CFAP210: variants seen among roughly 807,000 people sequenced by gnomAD.
CFAP210 encodes cilia and flagella associated protein 210.
the CFAP210 span, chr2:169,649,329 T>A: frequency 1.2e-6 from 2 of 1,610,630 alleles, no homozygotes; most frequent in Non-Finnish European, 8.5e-7. Flanking sequence ...GTCTTTCTTC[T>A]TCCTCTTTAT....
At chr2:169,675,621 C>T in the CFAP210 span, among the ~76,000 whole-genome samples, 1 of 152,182 alleles carries the variant, frequency 6.6e-6, no homozygotes, top group African/African-American at 2.4e-5. Context: ...ATGATCCACT[C>T]ACCTCCCAGC....
At chr2:169,675,206 C>A in the CFAP210 span, among the ~76,000 whole-genome samples, 2 of 152,116 alleles carry the variant, frequency 1.3e-5, no homozygotes, top group African/African-American at 4.8e-5. Context: ...TTTAGACCGA[C>A]CTTTTTAGGT....
At chr2:169,680,759 TG>T in the CFAP210 span, among the ~76,000 whole-genome samples, 13 of 152,214 alleles carry the variant, frequency 8.5e-5, no homozygotes, top group Non-Finnish European at 1.3e-4. Context: ...GTGAAGAACA[TG>T]TTCATTATCC....
chr2:169,667,135 CTTT>C, the CFAP210 span, among the ~76,000 whole-genome samples: 51 of 120,314 alleles, frequency 4.2e-4, no homozygotes, highest in Non-Finnish European at 7.7e-4. Flanking sequence ...CACAAATTTT[CTTT>C]TTTCTTTTTT....
At chr2:169,665,976 T>A in the CFAP210 span, among the ~76,000 whole-genome samples, 3 of 152,236 alleles carry the variant, frequency 2.0e-5, no homozygotes, top group South Asian at 6.2e-4. Flanking sequence ...TGATCCTCCC[T>A]GCTTGACCTC....
the CFAP210 span, among the ~76,000 whole-genome samples, chr2:169,660,588 T>TTATA: frequency 1.5e-4 from 21 of 140,732 alleles, no homozygotes; most frequent in Non-Finnish European, 2.4e-4. Context: ...GTTGCTTATT[T>TTATA]TATATATATA....
chr2:169,680,642 G>A, the CFAP210 span, among the ~76,000 whole-genome samples: 1 of 152,202 alleles, frequency 6.6e-6, no homozygotes, highest in Non-Finnish European at 1.5e-5. Flanking sequence ...AAGTAATTGT[G>A]TTGAATGAAA....
chr2:169,685,439 C>T, the CFAP210 span, among the ~76,000 whole-genome samples: 4 of 152,046 alleles, frequency 2.6e-5, no homozygotes, highest in African/African-American at 4.8e-5. Context: ...ATCATTTGTC[C>T]CTTTTTAAAA....
At chr2:169,666,333 T>C in the CFAP210 span, among the ~76,000 whole-genome samples, 1 of 151,226 alleles carries the variant, frequency 6.6e-6, no homozygotes, top group Non-Finnish European at 1.5e-5. Flanking sequence ...CGAATTCTAG[T>C]GAGGGAGACA....
the CFAP210 span, among the ~76,000 whole-genome samples, chr2:169,663,991 C>T: frequency 6.7e-6 from 1 of 148,786 alleles, no homozygotes; most frequent in African/African-American, 2.5e-5. Flanking sequence ...GAGTTTGAGA[C>T]CAGCCTGGCC....
the CFAP210 span, among the ~76,000 whole-genome samples, chr2:169,682,143 C>T: frequency 6.6e-6 from 1 of 152,192 alleles, no homozygotes; most frequent in East Asian, 1.9e-4. Flanking sequence ...CATAACAGAT[C>T]TCCTTGGAAA....
At chr2:169,651,363 C>A in the CFAP210 span, among the ~76,000 whole-genome samples, 1 of 151,788 alleles carries the variant, frequency 6.6e-6, no homozygotes, top group Non-Finnish European at 1.5e-5. Context: ...TGTACTCCAG[C>A]CTGAGTGACA....
At chr2:169,650,754 G>GTGTA in the CFAP210 span, among the ~76,000 whole-genome samples, 1 of 150,852 alleles carries the variant, frequency 6.6e-6, no homozygotes, top group Non-Finnish European at 1.5e-5. Context: ...GTGTGTGTGT[G>GTGTA]TGTGTGTGTG....
At chr2:169,650,712 C>A in the CFAP210 span, among the ~76,000 whole-genome samples, 1 of 146,966 alleles carries the variant, frequency 6.8e-6, no homozygotes, top group Non-Finnish European at 1.5e-5. Flanking sequence ...TTCTAAAATC[C>A]AAAGACAGTA....
the CFAP210 span, chr2:169,674,906 T>C: frequency 3.9e-6 from 6 of 1,527,190 alleles, no homozygotes; most frequent in Non-Finnish European, 4.4e-6. Flanking sequence ...AAAATTGATA[T>C]TGCTTTGCAT....
At chr2:169,664,621 C>T in the CFAP210 span, among the ~76,000 whole-genome samples, 3 of 152,132 alleles carry the variant, frequency 2.0e-5, no homozygotes, top group Non-Finnish European at 4.4e-5. Context: ...AATTTGAGAT[C>T]CTCTAGTTCA....
chr2:169,681,735 C>A, the CFAP210 span, among the ~76,000 whole-genome samples: 1 of 152,190 alleles, frequency 6.6e-6, no homozygotes, highest in African/African-American at 2.4e-5. Context: ...TTTAAGAACA[C>A]TTGTATCTCC....
the CFAP210 span, among the ~76,000 whole-genome samples, chr2:169,686,188 G>T: frequency 6.6e-6 from 1 of 152,148 alleles, no homozygotes; most frequent in Non-Finnish European, 1.5e-5. Context: ...TCCAGCCAAT[G>T]AGTGTAGCTT....
At chr2:169,684,844 T>C in the CFAP210 span, among the ~76,000 whole-genome samples, 3 of 152,122 alleles carry the variant, frequency 2.0e-5, no homozygotes, top group South Asian at 2.1e-4. Flanking sequence ...TTAGTAGACA[T>C]GGAGTTTCAC....
Sources: gnomAD v4.1 joint callset for allele counts (sites outside exome capture counted in the v4.1 genomes callset) on GRCh38, gnomAD v4.1.1 for gene constraint, MANE v1.5 for transcripts, NCBI Gene and HGNC (gene_info 2026-07-23, HGNC 2026-07-21) for gene names.